The following MIS18A variants were observed in gnomAD, a reference collection of about 807,000 sequenced individuals.
MIS18A encodes MIS18 kinetochore protein A.
In MIS18A, 14 loss-of-function variants were observed where a neutral mutation model predicts 25.0. The ratio of observed to expected loss-of-function variants is 0.56; its 90% confidence interval spans 0.37 to 0.88. The LOEUF (loss-of-function observed/expected upper bound fraction) is 0.88. Among genes scored for constraint, MIS18A ranks in the 40% least tolerant of loss-of-function variants. MIS18A has a pLI of 0.00. For synonymous variants in MIS18A, 134 were observed against 118.6 expected (o/e 1.13, Z -0.84); for missense variants, 292 against 290.8 (o/e 1.00, Z -0.03).
At position 32,268,873 on chromosome 21, in the gene MIS18A, C is replaced by T. The variant is rs1464233274; in HGVS notation, c.*164G>A. 3 of 492,046 alleles carry T rather than the reference C, an allele frequency of 6.1e-6. No homozygotes were observed. Among genetic ancestry groups the T allele is most frequent in the Non-Finnish European group, 1.1e-5 (3 of 272,996 alleles). 30.5% of individuals were successfully genotyped at this position (492,046 alleles called of 1,614,324 possible). On this transcript the variant is annotated 3_prime_UTR_variant, in exon 5 of 5. Transcript: ENST00000290130. ...TGGCATGACCAAGGCTCACTGCAGC[C>T]TCAACCTCCCAAGCTCATCTGATCC...
At chr21:32,193,609 T>G in the MIS18A span, among the ~76,000 whole-genome samples, 200 of 152,338 alleles carry the variant, frequency 1.3e-3, 2 homozygotes, top group African/African-American at 4.3e-3. Context: ...CTGTAGAAAC[T>G]AATGGTTTCT....
At chr21:32,245,301 G>T in the MIS18A span, among the ~76,000 whole-genome samples, 1 of 152,202 alleles carries the variant, frequency 6.6e-6, no homozygotes, top group Non-Finnish European at 1.5e-5. Flanking sequence ...ATAAATACCT[G>T]AAGTGTTCCC....
chr21:32,200,489 A>G, the MIS18A span, among the ~76,000 whole-genome samples: 1 of 149,032 alleles, frequency 6.7e-6, no homozygotes, highest in African/African-American at 2.5e-5. Context: ...GCTGGAGTGC[A>G]GAGGTGCAAT....
the MIS18A span, among the ~76,000 whole-genome samples, chr21:32,254,905 C>T: frequency 2.0e-5 from 3 of 152,134 alleles, no homozygotes; most frequent in Non-Finnish European, 4.4e-5. Flanking sequence ...CTAGAAACAG[C>T]CTAGTACATA....
At chr21:32,218,066 G>A in the MIS18A span, among the ~76,000 whole-genome samples, 5 of 151,514 alleles carry the variant, frequency 3.3e-5, no homozygotes, top group Admixed American at 6.6e-5. Context: ...GGTGTTGGGC[G>A]CCTGTAGTCC....
the MIS18A span, among the ~76,000 whole-genome samples, chr21:32,220,836 A>G: frequency 1.3e-5 from 2 of 151,950 alleles, no homozygotes; most frequent in African/African-American, 4.8e-5. Context: ...TGAAGCCTAA[A>G]CAAGTATCAA....
At chr21:32,193,506 AGATAGATAGATAGATGGATAGATC>A in the MIS18A span, among the ~76,000 whole-genome samples, 1 of 104,668 alleles carries the variant, frequency 9.6e-6, no homozygotes, top group Non-Finnish European at 2.2e-5. Context: ...ATAGATAGAT[AGATAGATAGATAGATGGATAGATC>A]GATCGATCTA....
At chr21:32,266,776 G>T (rs985879189), downstream of MIS18A, among the ~76,000 whole-genome samples, 1 of 152,070 alleles carries the variant, frequency 6.6e-6, no homozygotes, top group African/African-American at 2.4e-5. Flanking sequence ...CTTCATTCTT[G>T]AAGTCAGTGA....
At chr21:32,196,295 A>G in the MIS18A span, among the ~76,000 whole-genome samples, 1 of 152,092 alleles carries the variant, frequency 6.6e-6, no homozygotes, top group Non-Finnish European at 1.5e-5. Flanking sequence ...AAGCTGAGAC[A>G]TTTGGTCCTC....
chr21:32,269,143 TA>T, intron 4 of MIS18A, 26 bp from the exon 5 acceptor site: 1 of 1,478,410 alleles, frequency 6.8e-7, no homozygotes, highest in South Asian at 1.2e-5. Flanking sequence ...AATAAAAAAA[TA>T]AAGAAACACA....
intron 4 of MIS18A, 59 bp from the exon 5 acceptor site, chr21:32,269,176 T>C: frequency 8.2e-7 from 1 of 1,217,076 alleles, no homozygotes. Context: ...AAATTATACA[T>C]GGTTAAATAT....
intron 2 of MIS18A, among the ~76,000 whole-genome samples, chr21:32,272,813 A>G (rs2031737674): frequency 6.6e-6 from 1 of 152,222 alleles, no homozygotes; most frequent in Admixed American, 6.5e-5. Flanking sequence ...CACAAATAGG[A>G]CAAAAATGAT....
intron 2 of MIS18A, among the ~76,000 whole-genome samples, chr21:32,273,092 T>C (rs1446740052): frequency 6.6e-6 from 1 of 151,914 alleles, no homozygotes; most frequent in African/African-American, 2.4e-5. Context: ...TACTAATTTA[T>C]CTTAAATGGA....
chr21:32,206,828 G>A, the MIS18A span, among the ~76,000 whole-genome samples: 3,996 of 152,150 alleles, frequency 0.026, 186 homozygotes, highest in African/African-American at 0.089. Context: ...GCCACACTGC[G>A]GGCTGCTCTG....
chr21:32,202,295 G>GA, the MIS18A span, among the ~76,000 whole-genome samples: 24,570 of 148,988 alleles, frequency 0.16, 2,065 homozygotes, highest in East Asian at 0.24. Context: ...CTCAAAAAAA[G>GA]AAAAAAAACA....
chr21:32,233,035 C>A, the MIS18A span, among the ~76,000 whole-genome samples: 2 of 152,192 alleles, frequency 1.3e-5, no homozygotes, highest in Non-Finnish European at 1.5e-5. Flanking sequence ...AGGCAGTAGT[C>A]TAAATTCACT....
the MIS18A span, among the ~76,000 whole-genome samples, chr21:32,179,582 C>T: frequency 6.6e-6 from 1 of 152,332 alleles, no homozygotes; most frequent in Admixed American, 6.5e-5. Flanking sequence ...TGAAGGATTT[C>T]CCTCGCTTTA....
At chr21:32,204,754 GCAGGTGC>G in the MIS18A span, among the ~76,000 whole-genome samples, 1 of 151,838 alleles carries the variant, frequency 6.6e-6, no homozygotes, top group Non-Finnish European at 1.5e-5. Context: ...AGGCATGGTG[GCAGGTGC>G]CTATTGTCCC....
the MIS18A span, among the ~76,000 whole-genome samples, chr21:32,229,218 T>C: frequency 6.6e-6 from 1 of 152,226 alleles, no homozygotes; most frequent in African/African-American, 2.4e-5. Flanking sequence ...AATGGAAATA[T>C]TCACCTAAGG....
Sources: gnomAD v4.1 joint callset for allele counts (sites outside exome capture counted in the v4.1 genomes callset) on GRCh38, gnomAD v4.1.1 for gene constraint, MANE v1.5 for transcripts, NCBI Gene and HGNC (gene_info 2026-07-23, HGNC 2026-07-21) for gene names.